The following TCL1A variants were observed in gnomAD, a reference collection of about 807,000 sequenced individuals.
TCL1A encodes the protein T-cell leukemia/lymphoma protein 1A.
A neutral mutation model predicts 16.9 loss-of-function variants in TCL1A; 9 were observed. The observed-to-expected ratio is 0.53, with a 90% CI of 0.32 to 0.93. The LOEUF (loss-of-function observed/expected upper bound fraction) is 0.93, where lower values mean the gene tolerates loss of function less well. Among genes scored for constraint, TCL1A ranks in the 40% least tolerant of loss-of-function variants. The pLI is 0.04. For synonymous variants in TCL1A, 69 were observed against 63.2 expected, an observed-to-expected ratio of 1.09 and a Z score of -0.44; for missense variants, 139 against 153.0, an observed-to-expected ratio of 0.91 and a Z score of 0.48.
chr14:95,713,215 A>T (rs1254957494), intron 1 of TCL1A, among the ~76,000 whole-genome samples: 1 of 152,144 alleles, frequency 6.6e-6, no homozygotes, highest in Non-Finnish European at 1.5e-5. Flanking sequence ...AACACTCAAT[A>T]ATTTTTGATT....
chr14:95,714,081 G>T lies in TCL1A; in HGVS notation c.-15C>A. The T allele has an allele frequency of 6.2e-7, 1 of 1,612,668 alleles. No homozygotes were observed. On this transcript the variant is annotated 5_prime_UTR_variant, in exon 1 of 4. Transcript: ENST00000402399. ...CACTCGGCCATGGCGTCCTCGGGCC[G>T]CCTAAGAAGCAAGAGCCAGAGCCTC...
chr14:95,713,494 G>A (rs1886438765), intron 1 of TCL1A, among the ~76,000 whole-genome samples: 1 of 152,278 alleles, frequency 6.6e-6, no homozygotes, highest in South Asian at 2.1e-4. Flanking sequence ...AAAGCCCAGA[G>A]GTAGTGGAAA....
intron 1 of TCL1A, among the ~76,000 whole-genome samples, chr14:95,713,207 CA>C (rs147126151): frequency 0.032 from 4,942 of 152,248 alleles, 284 homozygotes; most frequent in African/African-American, 0.11. Context: ...ACACAGTCAA[CA>C]CTCAATAATT....
intron 1 of TCL1A, among the ~76,000 whole-genome samples, chr14:95,713,281 T>C (rs144370504): frequency 6.6e-6 from 1 of 152,348 alleles, no homozygotes; most frequent in African/African-American, 2.4e-5. Flanking sequence ...TTCTTCAGTG[T>C]ATGTTTGGAG....
chr14:95,713,620 A>G (rs768649084), intron 1 of TCL1A, among the ~76,000 whole-genome samples: 1 of 152,208 alleles, frequency 6.6e-6, no homozygotes, highest in African/African-American at 2.4e-5. Flanking sequence ...ATAATCGGCC[A>G]TATGGATGAG....
intron 1 of TCL1A, 185 bp from the exon 2 acceptor site, chr14:95,712,581 A>G (rs1036418398): frequency 1.3e-6 from 2 of 1,482,188 alleles, no homozygotes; most frequent in Admixed American, 2.2e-5. Flanking sequence ...CCTCTCAGGG[A>G]CTCTGGCTGG....
rs1305960722 is a variant in TCL1A at position 95,711,467 on chromosome 14, C to CAA, written c.*6+280_*6+281dup. 725 of 252,200 alleles carry CAA rather than the reference C, an allele frequency of 2.9e-3. 5 individuals carry two copies. The highest frequency in any genetic ancestry group is 0.013 in the African/African-American group (441 of 35,126). The allele number at this position is 252,200 out of a possible 1,614,324, so 15.6% of individuals were successfully genotyped here. On this transcript the variant is annotated intron_variant, in intron 3 of 3. Transcript: ENST00000402399. The stretch of plus-strand genomic sequence containing the variant: ...CTGGGCCACAGAGCCAGACTCATCT[C>CAA]AAAAAAAAAAAAAAGCAATGGTAAA...
At chr14:95,713,864 T>TAG in intron 1 of TCL1A, 83 bp downstream of exon 1, 11 of 1,578,084 alleles carry the variant, frequency 7.0e-6, no homozygotes, top group Non-Finnish European at 9.4e-6. Context: ...GAGTGCTCCT[T>TAG]GAGTCCTCGC....
intron 2 of TCL1A, 144 bp from the exon 3 acceptor site, chr14:95,711,946 T>A: frequency 1.9e-6 from 2 of 1,072,020 alleles, no homozygotes; most frequent in Non-Finnish European, 2.7e-6. Flanking sequence ...AGACTGCCCC[T>A]CCTCCCACCA....
At chr14:95,712,453 C>T (rs79582761) in intron 1 of TCL1A, 57 bp from the exon 2 acceptor site, 41,959 of 1,544,296 alleles carry the variant, frequency 0.027, 911 homozygotes, top group East Asian at 0.12. Context: ...AGGGCTTCTC[C>T]AGGCGCAGAA....
chr14:95,712,563 T>C (rs1886387754), intron 1 of TCL1A, 167 bp from the exon 2 acceptor site: 1 of 1,478,778 alleles, frequency 6.8e-7, no homozygotes, highest in East Asian at 2.5e-5. Flanking sequence ...CCTTAGGCCA[T>C]GCATGCTCCT....
At chr14:95,713,129 C>T (rs892015626) in intron 1 of TCL1A, among the ~76,000 whole-genome samples, 5 of 152,170 alleles carry the variant, frequency 3.3e-5, no homozygotes, top group African/African-American at 1.2e-4. Context: ...ATTCCAACCC[C>T]ATTACCTACT....
rs1595065853 is a variant in TCL1A, at chr14:95,711,800, A to T, written c.300T>A (p.Ile100=). The T allele has an allele frequency of 1.2e-6, 2 of 1,611,196 alleles. No homozygotes were observed. The highest frequency in any genetic ancestry group is 1.7e-6 in the Non-Finnish European group (2 of 1,179,958). Residue 100 remains isoleucine, a splice_region_variant and synonymous_variant, in exon 3 of 4, where the codon ATT becomes ATA. Transcript: ENST00000402399. ...CGAGAAGCATGTCCTCCACGCCGTC[A>T]ATCTGAGAGGCAGAGAGAGAGAGAA... ...SFWRLVYHIK[I]DGVEDMLLEL... is the part of the protein sequence containing the mutation.
At chr14:95,713,499 T>C (rs1399910110) in intron 1 of TCL1A, among the ~76,000 whole-genome samples, 3 of 152,166 alleles carry the variant, frequency 2.0e-5, no homozygotes, top group African/African-American at 4.8e-5. Context: ...CCAGAGGTAG[T>C]GGAAAATACT....
At chr14:95,713,799 T>C (rs1886473688) in intron 1 of TCL1A, 148 bp downstream of exon 1, 1 of 1,293,044 alleles carries the variant, frequency 7.7e-7, no homozygotes, top group Non-Finnish European at 1.1e-6. Flanking sequence ...CTATTCATCC[T>C]CCAGAGCCCG....
intron 3 of TCL1A, 56 bp downstream of exon 3, chr14:95,711,689 GTCTT>G: frequency 1.3e-6 from 2 of 1,582,976 alleles, no homozygotes; most frequent in Non-Finnish European, 1.7e-6. Context: ...AGAAGGGGTG[GTCTT>G]TCTTTCTGAT....
chr14:95,714,008 G>A lies in TCL1A; in HGVS notation c.59C>T (p.Ala20Val), dbSNP rs1350290699. 2 of 1,613,968 alleles carry A rather than the reference G, an allele frequency of 1.2e-6. No individual in the cohort carries two copies. Among genetic ancestry groups the A allele is most frequent in the East Asian group, 4.5e-5 (2 of 44,884 alleles). Reference protein sequence around the residue: ...AVTDHPDRLWAWEKFVYLDEK... With the variant: ...AVTDHPDRLWVWEKFVYLDEK... Reference sequence around the variant, plus strand: ...GTCCAAATACACGAACTTCTCCCAGGCCCACAGGCGGTCCGGGTGGTCGGT... The same window carrying A: ...GTCCAAATACACGAACTTCTCCCAGACCCACAGGCGGTCCGGGTGGTCGGT... Residue 20 changes from alanine (A) to valine (V), a missense_variant, in exon 1 of 4, where the codon GCC becomes GTC. Transcript: ENST00000402399.
At chr14:95,713,651 T>G (rs752603059) in intron 1 of TCL1A, among the ~76,000 whole-genome samples, 2 of 152,334 alleles carry the variant, frequency 1.3e-5, no homozygotes, top group Admixed American at 6.5e-5. Context: ...ATACCCATTT[T>G]TAAGGATTAG....
At chr14:95,713,710 C>T (rs141384924) in intron 1 of TCL1A, among the ~76,000 whole-genome samples, 4 of 152,306 alleles carry the variant, frequency 2.6e-5, no homozygotes, top group Admixed American at 1.3e-4. Flanking sequence ...TATAGTCACA[C>T]TCCACAGGCA....
Sources: allele counts gnomAD v4.1 joint callset (sites outside exome capture counted in the v4.1 genomes callset), GRCh38; gene constraint gnomAD v4.1.1; transcripts MANE v1.5; gene names NCBI Gene and HGNC (gene_info 2026-07-23, HGNC 2026-07-21).